Variants in STARD13 observed in about 807,000 individuals in gnomAD.
STARD13 encodes StAR related lipid transfer domain containing 13, also known as stAR-related lipid transfer protein 13.
A neutral mutation model predicts 106.4 loss-of-function variants in STARD13; 62 were observed. The ratio of observed to expected loss-of-function variants is 0.58; its 90% CI spans 0.48 to 0.72. The LOEUF (loss-of-function observed/expected upper bound fraction) is 0.72. Ranked by LOEUF, STARD13 falls within the 30% of genes least tolerant of loss-of-function variation. The probability of loss-of-function intolerance (pLI) is 0.00; values close to 1 mark genes in which losing one functional copy is unlikely to be tolerated. For synonymous variants in STARD13, 565 were observed against 553.0 expected (o/e 1.02, Z -0.31); for missense variants, 1,387 against 1,424.0 (o/e 0.97, Z 0.42).
intron 1 of STARD13, among the ~76,000 whole-genome samples, chr13:33,244,763 A>G (rs1165505122): frequency 6.6e-6 from 1 of 152,194 alleles, no homozygotes; most frequent in Non-Finnish European, 1.5e-5. Flanking sequence ...TTAGGCCACA[A>G]AACTCCATCA....
intron 1 of STARD13, among the ~76,000 whole-genome samples, chr13:33,342,231 C>T (rs2138596631): frequency 6.6e-6 from 1 of 152,258 alleles, no homozygotes; most frequent in Non-Finnish European, 1.5e-5. Flanking sequence ...TCAATATGCA[C>T]AGCCTTTCCT....
At chr13:33,551,706 C>G in the STARD13 span, among the ~76,000 whole-genome samples, 2 of 146,174 alleles carry the variant, frequency 1.4e-5, no homozygotes, top group Non-Finnish European at 3.0e-5. Flanking sequence ...TCAAGTGATT[C>G]TCCTGCCTTA....
the STARD13 span, among the ~76,000 whole-genome samples, chr13:33,587,377 T>C: frequency 6.6e-6 from 1 of 152,160 alleles, no homozygotes; most frequent in Non-Finnish European, 1.5e-5. Context: ...ACTCTATCTC[T>C]ACTCCTAAGA....
At chr13:33,440,767 ATTTTTTT>A in the STARD13 span, among the ~76,000 whole-genome samples, 5 of 60,118 alleles carry the variant, frequency 8.3e-5, no homozygotes, top group Non-Finnish European at 1.2e-4. Context: ...GAAAACAGCG[ATTTTTTT>A]TTTTTTTTTT....
chr13:33,643,581 A>T, the STARD13 span, among the ~76,000 whole-genome samples: 2 of 152,282 alleles, frequency 1.3e-5, no homozygotes, highest in Non-Finnish European at 2.9e-5. Flanking sequence ...AATAAAGGAA[A>T]TTAGCTTTGG....
the STARD13 span, among the ~76,000 whole-genome samples, chr13:33,560,630 ACCACC>A: frequency 6.6e-6 from 1 of 151,550 alleles, no homozygotes; most frequent in Non-Finnish European, 1.5e-5. Flanking sequence ...AGAGAAAATA[ACCACC>A]TTTCAGAATA....
At chr13:33,208,584 A>G (rs1337552972) in intron 1 of STARD13, among the ~76,000 whole-genome samples, 1 of 152,194 alleles carries the variant, frequency 6.6e-6, no homozygotes, top group Non-Finnish European at 1.5e-5. Flanking sequence ...TTTAGAGCAC[A>G]GGTGTAACAC....
chr13:33,330,980 T>C (rs1266114543), intron 1 of STARD13, among the ~76,000 whole-genome samples: 3 of 152,206 alleles, frequency 2.0e-5, no homozygotes, highest in African/African-American at 7.2e-5. Flanking sequence ...AGAATGGATA[T>C]AAAAATAAAC....
intron 4 of STARD13, 125 bp downstream of exon 4, chr13:33,142,185 G>A: frequency 1.3e-6 from 1 of 748,534 alleles, no homozygotes; most frequent in East Asian, 2.7e-5. Flanking sequence ...AAGCCACTGT[G>A]CCCAGCTAAT....
Position 33,129,764 on chromosome 13 carries a change from G to T in STARD13, c.913C>A (p.Gln305Lys). ...TTCTGGAGATCTCCATTTGGTATTT[G>T]GATGCACTGCATAGCCTTAAAGGAC... ...PESFKAMQCI[Q>K]IPNGDLQNSP... The change falls in exon 5 of 14, where the codon CAA becomes AAA. Residue 305 changes from glutamine (Q) to lysine (K), a missense_variant. By Grantham distance (53) the Gln-to-Lys change is moderately conservative. Coordinates refer to ENST00000336934, the MANE Select transcript of STARD13 (RefSeq NM_178006.4). The T allele has an allele frequency of 6.2e-7, 1 of 1,614,058 alleles. No individual in the cohort carries two copies. Among genetic ancestry groups the T allele is most frequent in the South Asian group, 1.1e-5 (1 of 91,090 alleles).
At chr13:33,312,046 T>C (rs1354784217) in intron 1 of STARD13, among the ~76,000 whole-genome samples, 1 of 152,224 alleles carries the variant, frequency 6.6e-6, no homozygotes, top group Admixed American at 6.5e-5. Flanking sequence ...TCAGAACAAA[T>C]GGTTGTTTCT....
At chr13:33,614,689 G>A in the STARD13 span, among the ~76,000 whole-genome samples, 1 of 152,224 alleles carries the variant, frequency 6.6e-6, no homozygotes, top group Non-Finnish European at 1.5e-5. Flanking sequence ...ACAAGGTGGT[G>A]TTTGACCTGT....
At chr13:33,499,993 A>G in the STARD13 span, among the ~76,000 whole-genome samples, 2 of 151,758 alleles carry the variant, frequency 1.3e-5, no homozygotes, top group African/African-American at 4.8e-5. Context: ...GCCTAAAGCA[A>G]TCCTCCCACC....
the STARD13 span, among the ~76,000 whole-genome samples, chr13:33,547,306 T>G: frequency 6.6e-6 from 1 of 152,376 alleles, no homozygotes; most frequent in African/African-American, 2.4e-5. Flanking sequence ...TAAGCAAATT[T>G]CTGTTAAACA....
chr13:33,129,897 C>A lies in STARD13; in HGVS notation c.780G>T (p.Leu260Phe), dbSNP rs374996986. Residue 260 changes from leucine (L) to phenylalanine (F), a missense_variant, in exon 5 of 14, where the codon TTG becomes TTT. By Grantham distance (22) the Leu-to-Phe change is conservative. Transcript: ENST00000336934. ...KPTRARAKSF[L>F]KRMETLRGKG... ...TCCCTCGGAGTGTTTCCATGCGTTT[C>A]AAAAATGATTTGGCCCTAGCCCTCG... is the stretch of plus-strand genomic sequence containing the variant. The A allele has an allele frequency of 2.5e-6, 4 of 1,613,172 alleles. No individual in the cohort carries two copies. Among genetic ancestry groups the A allele is most frequent in the Non-Finnish European group, 3.4e-6 (4 of 1,179,970 alleles).
the STARD13 span, among the ~76,000 whole-genome samples, chr13:33,395,646 C>T: frequency 6.6e-6 from 1 of 152,050 alleles, no homozygotes; most frequent in African/African-American, 2.4e-5. Flanking sequence ...CTAATTTGGT[C>T]CTGAGTTAAT....
At chr13:33,449,403 A>G in the STARD13 span, among the ~76,000 whole-genome samples, 1 of 152,184 alleles carries the variant, frequency 6.6e-6, no homozygotes, top group Non-Finnish European at 1.5e-5. Flanking sequence ...GTCAAAAATT[A>G]ATTGGCTGTA....
the STARD13 span, among the ~76,000 whole-genome samples, chr13:33,665,078 C>T: frequency 2.0e-4 from 31 of 152,306 alleles, no homozygotes; most frequent in African/African-American, 7.2e-4. Context: ...GTTACTGTGG[C>T]GAGCATTTCA....
the STARD13 span, among the ~76,000 whole-genome samples, chr13:33,545,306 A>G: frequency 6.6e-6 from 1 of 151,990 alleles, no homozygotes; most frequent in African/African-American, 2.4e-5. Context: ...CGTGTTAGCC[A>G]GGATGATCTC....
Sources: gnomAD v4.1 joint callset for allele counts (sites outside exome capture counted in the v4.1 genomes callset) on GRCh38, gnomAD v4.1.1 for gene constraint, MANE v1.5 for transcripts, NCBI Gene and HGNC (gene_info 2026-07-23, HGNC 2026-07-21) for gene names.